The following CNIH3 variants were observed in gnomAD, a reference collection of about 807,000 sequenced individuals.
CNIH3 encodes protein cornichon homolog 3.
In CNIH3, 14 loss-of-function variants were observed where a neutral mutation model predicts 24.1. The observed-to-expected ratio is 0.58, with a 90% CI of 0.38 to 0.91. The LOEUF (loss-of-function observed/expected upper bound fraction) is 0.91. Ranked by LOEUF, CNIH3 falls within the 40% of genes least tolerant of loss-of-function variation. The pLI is 0.00. For missense variants in CNIH3, 178 were observed against 196.8 expected, an observed-to-expected ratio of 0.90 and a Z score of 0.57; for synonymous variants, 68 against 73.8, an observed-to-expected ratio of 0.92 and a Z score of 0.40.
chr1:224,632,578 GGAAGAGCCACTGGGACGCAATATGT>G (rs1683876874), intron 1 of CNIH3, among the ~76,000 whole-genome samples: 1 of 152,238 alleles, frequency 6.6e-6, no homozygotes, highest in South Asian at 2.1e-4. Context: ...GAAGGGATTT[GGAAGAGCCACTGGGACGCAATATGT>G]GAGAGCGGGG....
chr1:224,644,139 C>A (rs1364785938), intron 1 of CNIH3, among the ~76,000 whole-genome samples: 1 of 152,230 alleles, frequency 6.6e-6, no homozygotes, highest in African/African-American at 2.4e-5. Context: ...ACATTCAACG[C>A]ATGCTTGGTG....
At chr1:224,496,759 G>C (rs988981576) in intron 1 of CNIH3, among the ~76,000 whole-genome samples, 1 of 152,160 alleles carries the variant, frequency 6.6e-6, no homozygotes, top group African/African-American at 2.4e-5. Flanking sequence ...TGGGAATACT[G>C]CAAATCCTTA....
At chr1:224,434,685 GGCT>G in exon 1 of CNIH3, 1 of 904,932 alleles carries the variant, frequency 1.1e-6, no homozygotes, top group Non-Finnish European at 1.3e-6. Flanking sequence ...CCCCGGCAGT[GGCT>G]GCGGCGGCGG....
intron 3 of CNIH3, among the ~76,000 whole-genome samples, chr1:224,595,317 A>G (rs541893580): frequency 6.6e-6 from 1 of 152,180 alleles, no homozygotes; most frequent in Non-Finnish European, 1.5e-5. Flanking sequence ...GGGTGCTGGG[A>G]TTACAGGTAT....
intron 1 of CNIH3, among the ~76,000 whole-genome samples, chr1:224,470,094 C>G (rs542943691): frequency 5.1e-4 from 77 of 151,930 alleles, no homozygotes; most frequent in African/African-American, 1.6e-3. Flanking sequence ...TCTCGGCTCA[C>G]TGCAAGCTCT....
In CNIH3 at chr1:224,520,510, A is replaced by G. The variant is rs1678581022; in HGVS notation, n.16-490A>G. ...GTGGACAACTAGTTCACATAGAGAT[A>G]TGTAAGAGTTAGATTGAACCACATG... On this transcript the variant is annotated intron_variant and non_coding_transcript_variant, in intron 1 of 2. Coordinates refer to the CNIH3 transcript ENST00000470602. Among the ~76,000 whole-genome samples the G allele has an allele frequency of 2.0e-5, 3 of 152,260 alleles. No individual in the cohort carries two copies. In the South Asian group the frequency reaches 6.2e-4, roughly 31 times the overall value.
chr1:224,561,995 G>C (rs1228947184), intron 3 of CNIH3, among the ~76,000 whole-genome samples: 1 of 151,732 alleles, frequency 6.6e-6, no homozygotes, highest in Admixed American at 6.6e-5. Context: ...GGCAAGGGAG[G>C]GGGTGGAGTT....
chr1:224,508,217 C>A (rs1677996334), intron 1 of CNIH3, among the ~76,000 whole-genome samples: 2 of 152,220 alleles, frequency 1.3e-5, no homozygotes, highest in Non-Finnish European at 2.9e-5. Flanking sequence ...TCCTTTCTCT[C>A]CAATCCTTCA....
At chr1:224,588,968 G>GTTTTTTGTTT (rs1681631249), downstream of CNIH3, among the ~76,000 whole-genome samples, 1 of 112,346 alleles carries the variant, frequency 8.9e-6, no homozygotes, top group African/African-American at 3.8e-5. Context: ...CTGACCCCCT[G>GTTTTTTGTTT]TTTTTTTTTT....
Position 224,550,691 on chromosome 1 carries a change from C to T in CNIH3, n.450+3752C>T, listed in dbSNP as rs115138290. Among the ~76,000 whole-genome samples, 1,153 of 152,134 alleles carry T rather than the reference C, an allele frequency of 7.6e-3. 20 individuals are homozygous for T. The highest frequency in any genetic ancestry group is 0.026 in the African/African-American group (1,071 of 41,510). On this transcript the variant is annotated intron_variant and non_coding_transcript_variant, in intron 3 of 5. Transcript: ENST00000471578. Reference sequence around the variant, plus strand: ...ACTGGATATAATAGAAATATCAGAGCGATGATATTTCTTTTCTTTTTTTTA... The same window carrying T: ...ACTGGATATAATAGAAATATCAGAGTGATGATATTTCTTTTCTTTTTTTTA...
chr1:224,516,111 T>C (rs1229453527), intron 1 of CNIH3, among the ~76,000 whole-genome samples: 2 of 151,810 alleles, frequency 1.3e-5, no homozygotes, highest in African/African-American at 4.8e-5. Flanking sequence ...GGTCAAGAGA[T>C]AGAGACCATT....
intron 1 of CNIH3, among the ~76,000 whole-genome samples, chr1:224,641,566 C>T (rs1461596175): frequency 6.6e-6 from 1 of 152,206 alleles, no homozygotes; most frequent in Non-Finnish European, 1.5e-5. Context: ...CAGGAACTTC[C>T]AGCCCTGGGA....
intron 3 of CNIH3, among the ~76,000 whole-genome samples, chr1:224,559,571 C>G (rs1317657298): frequency 6.6e-6 from 1 of 152,080 alleles, no homozygotes; most frequent in Non-Finnish European, 1.5e-5. Flanking sequence ...TGGGGTGTCA[C>G]TGTGTTGCCC....
chr1:224,683,904 G>A (rs576537666), intron 2 of CNIH3, among the ~76,000 whole-genome samples: 2 of 152,194 alleles, frequency 1.3e-5, no homozygotes, highest in Non-Finnish European at 2.9e-5. Context: ...ACACTAATTT[G>A]TCCTGATGTG....
intron 3 of CNIH3, among the ~76,000 whole-genome samples, chr1:224,694,442 T>G (rs1288335100): frequency 6.6e-6 from 1 of 152,180 alleles, no homozygotes; most frequent in Non-Finnish European, 1.5e-5. Context: ...GATTGATGAT[T>G]AAACATACGA....
At chr1:224,681,124 G>T in intron 2 of CNIH3, 98 bp downstream of exon 2, 1 of 1,012,928 alleles carries the variant, frequency 9.9e-7, no homozygotes, top group Non-Finnish European at 1.6e-6. Flanking sequence ...AATGCGTAAA[G>T]AACATGCTCG....
chr1:224,635,184 C>G (rs1684028619), intron 1 of CNIH3, among the ~76,000 whole-genome samples: 1 of 151,996 alleles, frequency 6.6e-6, no homozygotes, highest in African/African-American at 2.4e-5. Flanking sequence ...GGGGAACTGC[C>G]CTAAACACTT....
At chr1:224,732,549 A>G (rs1443616778) in intron 4 of CNIH3, among the ~76,000 whole-genome samples, 1 of 152,152 alleles carries the variant, frequency 6.6e-6, no homozygotes. Flanking sequence ...TGTGTTGCTC[A>G]GCTCGGACGT....
At chr1:224,709,425 A>G (rs908155746) in intron 3 of CNIH3, among the ~76,000 whole-genome samples, 1 of 152,166 alleles carries the variant, frequency 6.6e-6, no homozygotes, top group Non-Finnish European at 1.5e-5. Flanking sequence ...GAACAGACAT[A>G]AGAGTCTAGA....
Sources: allele counts gnomAD v4.1 joint callset (sites outside exome capture counted in the v4.1 genomes callset), GRCh38; gene constraint gnomAD v4.1.1; transcripts MANE v1.5; gene names NCBI Gene and HGNC (gene_info 2026-07-23, HGNC 2026-07-21).